ST6GALNAC5: variants seen among roughly 807,000 people sequenced by gnomAD.
The protein encoded by ST6GALNAC5 is ST6 N-acetylgalactosaminide alpha-2,6-sialyltransferase 5, also known as alpha-N-acetylgalactosaminide alpha-2,6-sialyltransferase 5.
ST6GALNAC5 carries 27 observed loss-of-function variants against 33.6 expected under a neutral mutation model. The ratio of observed to expected loss-of-function variants is 0.80; its 90% CI spans 0.59 to 1.11. The LOEUF is 1.11. ST6GALNAC5 is among the 50% of genes least tolerant of loss of function. The probability of loss-of-function intolerance (pLI) is 0.00; values close to 1 mark genes in which losing one functional copy is unlikely to be tolerated. For synonymous variants in ST6GALNAC5, 194 were observed against 171.2 expected, an observed-to-expected ratio of 1.13 and a Z score of -1.04; for missense variants, 428 against 454.0, an observed-to-expected ratio of 0.94 and a Z score of 0.52.
At chr1:76,935,402 T>C (rs1647191177) in intron 2 of ST6GALNAC5, among the ~76,000 whole-genome samples, 1 of 152,056 alleles carries the variant, frequency 6.6e-6, no homozygotes, top group South Asian at 2.1e-4. Context: ...AACAGTGAGC[T>C]CTATTCTGGA....
chr1:76,924,276 A>G (rs1281466494), intron 2 of ST6GALNAC5, among the ~76,000 whole-genome samples: 1 of 152,194 alleles, frequency 6.6e-6, no homozygotes, highest in African/African-American at 2.4e-5. Context: ...CATTGAAGAG[A>G]TACTCTGAAA....
intron 2 of ST6GALNAC5, among the ~76,000 whole-genome samples, chr1:76,880,002 A>T (rs1431582646): frequency 2.6e-5 from 4 of 151,882 alleles, no homozygotes; most frequent in Non-Finnish European, 5.9e-5. Context: ...GGGAGATAAG[A>T]CTCTCACTCA....
intron 2 of ST6GALNAC5, among the ~76,000 whole-genome samples, chr1:76,907,521 G>A (rs968800395): frequency 6.6e-6 from 1 of 152,168 alleles, no homozygotes; most frequent in East Asian, 1.9e-4. Flanking sequence ...TTCACTGGCT[G>A]TAACTGTACT....
At chr1:76,917,757 C>T (rs181438613) in intron 2 of ST6GALNAC5, among the ~76,000 whole-genome samples, 62 of 151,752 alleles carry the variant, frequency 4.1e-4, no homozygotes, top group Non-Finnish European at 6.6e-4. Context: ...GGCTGGAGAC[C>T]CAGGCAAGCC....
intron 2 of ST6GALNAC5, among the ~76,000 whole-genome samples, chr1:76,968,977 G>A (rs528704003): frequency 1.3e-5 from 2 of 152,118 alleles, no homozygotes; most frequent in Non-Finnish European, 2.9e-5. Context: ...TTCCCTTTGT[G>A]CGTTACCCAA....
intron 2 of ST6GALNAC5, among the ~76,000 whole-genome samples, chr1:76,969,480 C>A (rs150645299): frequency 6.6e-5 from 10 of 152,296 alleles, no homozygotes; most frequent in Middle Eastern, 3.4e-3. Flanking sequence ...GGGAGAGGGG[C>A]ATCTGCCATT....
intron 2 of ST6GALNAC5, among the ~76,000 whole-genome samples, chr1:76,887,075 C>T (rs1393934199): frequency 6.6e-6 from 1 of 152,252 alleles, no homozygotes; most frequent in East Asian, 1.9e-4. Context: ...AGCCACATGG[C>T]AGCACTTGAG....
At chr1:77,047,045 C>G (rs553152059) in intron 3 of ST6GALNAC5, among the ~76,000 whole-genome samples, 2 of 152,326 alleles carry the variant, frequency 1.3e-5, no homozygotes, top group South Asian at 4.1e-4. Context: ...CCTGGTCGTC[C>G]TGGCTGGTAC....
chr1:76,952,305 C>T (rs148650979), intron 2 of ST6GALNAC5, among the ~76,000 whole-genome samples: 21 of 152,102 alleles, frequency 1.4e-4, no homozygotes, highest in South Asian at 2.1e-4. Flanking sequence ...TGAATATGTG[C>T]GTGTATGTCC....
At chr1:76,908,744 G>C (rs1402336313) in intron 2 of ST6GALNAC5, among the ~76,000 whole-genome samples, 4 of 152,060 alleles carry the variant, frequency 2.6e-5, no homozygotes, top group Non-Finnish European at 5.9e-5. Context: ...TGTAACCGCA[G>C]GGTTCCTGTC....
chr1:77,050,167 T>C (rs1325272694), intron 3 of ST6GALNAC5, 91 bp from the exon 4 acceptor site: 5 of 1,031,536 alleles, frequency 4.8e-6, no homozygotes, highest in Non-Finnish European at 7.5e-6. Context: ...CTCTTGTTTA[T>C]AGTTAGCCTT....
chr1:76,937,651 G>C (rs1474386862), intron 2 of ST6GALNAC5, among the ~76,000 whole-genome samples: 1 of 152,032 alleles, frequency 6.6e-6, no homozygotes, highest in East Asian at 1.9e-4. Context: ...GTTACTTGTT[G>C]GAGCAAGATG....
chr1:77,004,121 A>C (rs1456916406), intron 2 of ST6GALNAC5, among the ~76,000 whole-genome samples: 1 of 151,222 alleles, frequency 6.6e-6, no homozygotes, highest in African/African-American at 2.4e-5. Context: ...CATCACTTTC[A>C]AGTACACCAA....
chr1:76,884,997 G>A (rs1653861108), intron 2 of ST6GALNAC5, among the ~76,000 whole-genome samples: 1 of 152,140 alleles, frequency 6.6e-6, no homozygotes, highest in African/African-American at 2.4e-5. Flanking sequence ...GGTCTGACAA[G>A]TAAAAGACCA....
rs553572726 is a variant in ST6GALNAC5 at position 77,058,006 on chromosome 1, G to A, written c.780-4969G>A. On this transcript the variant is annotated intron_variant, in intron 4 of 4. Transcript: ENST00000477717. Reference sequence around the variant, plus strand: ...GCAGCTCGCAAGCACCACACATGGGGCTCCTCTGTAGCAAGAGCTCGGAGG... The same window carrying A: ...GCAGCTCGCAAGCACCACACATGGGACTCCTCTGTAGCAAGAGCTCGGAGG... Among the ~76,000 whole-genome samples the A allele has an allele frequency of 1.1e-4, 17 of 152,278 alleles. 1 individual carries two copies. Among genetic ancestry groups the A allele is most frequent in the African/African-American group, 3.6e-4 (15 of 41,556 alleles).
At chr1:76,968,255 T>C (rs1402420704) in intron 2 of ST6GALNAC5, among the ~76,000 whole-genome samples, 2 of 152,148 alleles carry the variant, frequency 1.3e-5, no homozygotes, top group Non-Finnish European at 2.9e-5. Flanking sequence ...GCTTTATGAA[T>C]CTGGGTGTTC....
At chr1:77,038,244 T>A (rs1003727804) in intron 2 of ST6GALNAC5, among the ~76,000 whole-genome samples, 32 of 152,112 alleles carry the variant, frequency 2.1e-4, no homozygotes, top group African/African-American at 7.5e-4. Flanking sequence ...GGTGGGCTTG[T>A]CATAGAACAA....
chr1:77,021,774 G>T (rs1307194408), intron 2 of ST6GALNAC5, among the ~76,000 whole-genome samples: 1 of 152,148 alleles, frequency 6.6e-6, no homozygotes, highest in Non-Finnish European at 1.5e-5. Context: ...ATAAGCCTGT[G>T]ATTGATACTA....
chr1:76,951,696 C>T (rs1647752704), intron 2 of ST6GALNAC5, among the ~76,000 whole-genome samples: 2 of 151,976 alleles, frequency 1.3e-5, no homozygotes, highest in South Asian at 4.1e-4. Context: ...TGTGTTTAAG[C>T]TTATTATTAA....
Sources: gnomAD v4.1 joint callset for allele counts (sites outside exome capture counted in the v4.1 genomes callset) on GRCh38, gnomAD v4.1.1 for gene constraint, MANE v1.5 for transcripts, NCBI Gene and HGNC (gene_info 2026-07-23, HGNC 2026-07-21) for gene names.